The following RARS1 variants were observed in gnomAD, a reference collection of about 807,000 sequenced individuals.
RARS1 encodes arginyl-tRNA synthetase 1.
In RARS1, 75 loss-of-function variants were observed where a neutral mutation model predicts 78.7. The ratio of observed to expected loss-of-function variants is 0.95; its 90% CI spans 0.79 to 1.15. The LOEUF is 1.15. RARS1 is among the 50% of genes most tolerant of loss of function. The pLI is 0.00. For synonymous variants in RARS1, 273 were observed against 268.2 expected (o/e 1.02, Z -0.18); for missense variants, 787 against 787.5 (o/e 1.00, Z 0.01).
At position 168,488,627 on chromosome 5, in the gene RARS1, C is replaced by G; in HGVS notation, c.71C>G (p.Ala24Gly). 6.2e-7 allele frequency: 1 copy of G among 1,609,204 alleles called. No individual in the cohort carries two copies. The highest frequency in any genetic ancestry group is 1.3e-5 in the African/African-American group (1 of 74,680). The change falls in exon 2 of 15, where the codon GCT (alanine) becomes GGT (glycine). Residue 24 changes from alanine (A) to glycine (G), a missense_variant. By Grantham distance (60) the Ala-to-Gly change is moderately conservative (BLOSUM62 0). Transcript: ENST00000231572. ...QQEEEIKSLT[A>G]EIDRLKNCGC... is the part of the protein sequence containing the mutation. ...GAAGAAGAGATTAAATCTCTGACTGCTGAAATTGACCGGTTGAAAAACTGT... is the reference window on the plus strand; with the variant it reads ...GAAGAAGAGATTAAATCTCTGACTGGTGAAATTGACCGGTTGAAAAACTGT...
chr5:168,487,619 T>C (rs1167935935), intron 1 of RARS1, among the ~76,000 whole-genome samples: 1 of 152,276 alleles, frequency 6.6e-6, no homozygotes, highest in African/African-American at 2.4e-5. Context: ...AAAGTGTTTT[T>C]AGCTCAGCTC....
intron 8 of RARS1, 123 bp downstream of exon 8, chr5:168,500,843 T>C: frequency 8.3e-7 from 1 of 1,211,664 alleles, no homozygotes; most frequent in Non-Finnish European, 1.1e-6. Flanking sequence ...ATAGATTTTT[T>C]CTTAAATGTA....
In RARS1 at chr5:168,502,255, T is replaced by TA. The variant is rs1456450690; in HGVS notation, c.1057+151dup. ...CAACCTTATTGTATCTATACCTTCT[T>TA]ACACTGCTTCCCTCATATAATTCCA... is the stretch of plus-strand genomic sequence containing the variant. On this transcript the variant is annotated intron_variant, in intron 9 of 14. Coordinates refer to ENST00000231572, the MANE Select transcript of RARS1 (RefSeq NM_002887.4). 3 of 1,145,680 alleles carry TA rather than the reference T, an allele frequency of 2.6e-6. No individual in the cohort carries two copies. The African/African-American group carries it at 4.8e-5, about 18-fold the overall frequency. 71.0% of individuals were successfully genotyped at this position (1,145,680 alleles called of 1,614,324 possible). A position where few individuals can be genotyped will look rare whatever the true frequency, so the allele number is the denominator to read the frequency against.
At position 168,506,053 on chromosome 5, in the gene RARS1, G is replaced by A; in HGVS notation, c.1090G>A (p.Val364Ile). ...GCAGGTGGATGATGGCAGAAAGATT[G>A]TATTTGTCCCAGGGTGTTCCATACC... The part of the protein sequence containing the change: ...FVQVDDGRKI[V>I]FVPGCSIPLT... The change falls in exon 10 of 15, where the codon GTA (valine) becomes ATA (isoleucine). Residue 364 changes from valine (V) to isoleucine (I), a missense_variant. Coordinates refer to ENST00000231572, the MANE Select transcript of RARS1 (RefSeq NM_002887.4). 1 of 1,606,100 alleles carries A rather than the reference G, an allele frequency of 6.2e-7. No individual in the cohort carries two copies. Among genetic ancestry groups the A allele is most frequent in the African/African-American group, 1.3e-5 (1 of 74,654 alleles).
chr5:168,513,221 A>ATT (rs35468758), intron 12 of RARS1, among the ~76,000 whole-genome samples: 15 of 91,788 alleles, frequency 1.6e-4, no homozygotes, highest in East Asian at 3.5e-4. Context: ...AATTTTTTGT[A>ATT]TTTTTTTTTT....
rs746469280 is a variant in RARS1 at position 168,495,410 on chromosome 5, T to A, written c.675T>A (p.Phe225Leu). ...TAGGAGAGAGTATAAGCCGCCTCTT[T>A]GAATTTGCAGGGTATGACGTGCTCA... ...TIIGESISRL[F>L]EFAGYDVLRL... The change falls in exon 6 of 15, where the codon TTT (phenylalanine) becomes TTA (leucine). Residue 225 changes from phenylalanine to leucine, a missense_variant. Transcript: ENST00000231572. 6.2e-7 allele frequency: 1 copy of A among 1,613,928 alleles called. No individual in the cohort carries two copies. Among genetic ancestry groups the A allele is most frequent in the Non-Finnish European group, 8.5e-7 (1 of 1,179,866 alleles).
At chr5:168,498,940 A>G (rs201827972) in intron 7 of RARS1, among the ~76,000 whole-genome samples, 2 of 151,974 alleles carry the variant, frequency 1.3e-5, no homozygotes, top group East Asian at 3.9e-4. Context: ...CCATTGCACT[A>G]TACAGCCTGG....
intron 6 of RARS1, among the ~76,000 whole-genome samples, chr5:168,496,541 G>T (rs1410841169): frequency 6.6e-6 from 1 of 151,764 alleles, no homozygotes; most frequent in Non-Finnish European, 1.5e-5. Context: ...GGAGTGCAGT[G>T]GCGCAATCCT....
chr5:168,488,797 C>T, intron 2 of RARS1, 61 bp downstream of exon 2: 5 of 1,485,878 alleles, frequency 3.4e-6, no homozygotes, highest in Non-Finnish European at 4.5e-6. Context: ...TTTTTAAAGC[C>T]TTTGTTACCA....
intron 2 of RARS1, among the ~76,000 whole-genome samples, chr5:168,489,890 C>CTATT (rs995495047): frequency 5.3e-5 from 8 of 150,492 alleles, no homozygotes; most frequent in Non-Finnish European, 1.0e-4. Context: ...TCTCAGCTCA[C>CTATT]AATAACCTCC....
intron 13 of RARS1, among the ~76,000 whole-genome samples, chr5:168,517,177 C>T (rs1461319947): frequency 1.3e-5 from 2 of 152,098 alleles, no homozygotes; most frequent in East Asian, 3.9e-4. Flanking sequence ...GAGTCTCACT[C>T]TGTTGCCCAC....
chr5:168,506,301 C>G lies in RARS1; in HGVS notation c.1236+102C>G, dbSNP rs1018133537. 3.9e-6 allele frequency: 4 copies of G among 1,013,882 alleles called. No homozygotes were observed. The Middle Eastern group carries it at 6.5e-4, about 165-fold the overall frequency. 62.8% of individuals were successfully genotyped at this position (1,013,882 alleles called of 1,614,324 possible). On this transcript the variant is annotated intron_variant, in intron 10 of 14. Transcript: ENST00000231572. ...ACACTGGATGACTGTAAATTTTCCCCAAAGACTAAGATTCAGGACATCAGT... is the reference window on the plus strand; with the variant it reads ...ACACTGGATGACTGTAAATTTTCCCGAAAGACTAAGATTCAGGACATCAGT...
intron 14 of RARS1, among the ~76,000 whole-genome samples, chr5:168,518,736 C>T (rs1338111747): frequency 6.6e-6 from 1 of 152,098 alleles, no homozygotes; most frequent in Non-Finnish European, 1.5e-5. Flanking sequence ...AGGACTGAAA[C>T]TTTATTAGGG....
rs548686930 is a variant in RARS1 at position 168,494,644 on chromosome 5, T to C, written c.573T>C (p.Asn191=). 1 of 1,566,070 alleles carries C rather than the reference T, an allele frequency of 6.4e-7. No homozygotes were observed. Among genetic ancestry groups the C allele is most frequent in the East Asian group, 2.2e-5 (1 of 44,602 alleles). ...NGVQLPALGE[N]KKVIVDFSSP... ...TTCAACTACCTGCTCTGGGAGAGAA[T>C]AAAAAGGTATATGTACACTCTTCTA... is the stretch of plus-strand genomic sequence containing the variant. The change falls in exon 5 of 15, where the codon AAT becomes AAC. Residue 191 remains asparagine (N), a synonymous_variant. Coordinates refer to ENST00000231572, the MANE Select transcript of RARS1 (RefSeq NM_002887.4).
intron 9 of RARS1, among the ~76,000 whole-genome samples, chr5:168,503,940 T>C (rs1758380405): frequency 6.6e-6 from 1 of 151,686 alleles, no homozygotes; most frequent in Non-Finnish European, 1.5e-5. Context: ...AAAGAAGTAG[T>C]TGGGCATGGT....
At chr5:168,505,526 A>C (rs1000068359) in intron 9 of RARS1, among the ~76,000 whole-genome samples, 1 of 152,142 alleles carries the variant, frequency 6.6e-6, no homozygotes, top group African/African-American at 2.4e-5. Context: ...CTCCAGCTTG[A>C]AAGCAAAGCA....
chr5:168,495,805 G>A (rs775440137), intron 6 of RARS1, among the ~76,000 whole-genome samples: 19 of 152,078 alleles, frequency 1.2e-4, no homozygotes, highest in Non-Finnish European at 2.2e-4. Context: ...TTTATTCTAA[G>A]TGTACTGGGA....
chr5:168,517,743 G>GATTTACGTGAATCACTT, intron 13 of RARS1, 72 bp from the exon 14 acceptor site: 1 of 1,101,006 alleles, frequency 9.1e-7, no homozygotes, highest in Non-Finnish European at 1.2e-6. Context: ...TGATAATTTC[G>GATTTACGTGAATCACTT]AGTGGAGAAT....
At chr5:168,511,929 G>A (rs941082014) in intron 12 of RARS1, among the ~76,000 whole-genome samples, 4 of 152,120 alleles carry the variant, frequency 2.6e-5, no homozygotes, top group African/African-American at 7.2e-5. Context: ...GCAGTGGCAA[G>A]ATCATGGCTC....
Sources: allele counts gnomAD v4.1 joint callset (sites outside exome capture counted in the v4.1 genomes callset), GRCh38; gene constraint gnomAD v4.1.1; transcripts MANE v1.5; gene names NCBI Gene and HGNC (gene_info 2026-07-23, HGNC 2026-07-21).